METTL22: variants seen among roughly 807,000 people sequenced by gnomAD.
METTL22 encodes the protein methyltransferase-like protein 22.
Under a neutral mutation model 48.4 loss-of-function variants are expected in METTL22, and 51 were observed. The ratio of observed to expected loss-of-function variants is 1.05; its 90% CI spans 0.84 to 1.33. The LOEUF is 1.33. Ranked by LOEUF, METTL22 falls within the 40% of genes most tolerant of loss-of-function variation. The probability of loss-of-function intolerance (pLI) is 0.00; values close to 1 mark genes in which losing one functional copy is unlikely to be tolerated. For synonymous variants in METTL22, 255 were observed against 214.1 expected (o/e 1.19, Z -1.67); for missense variants, 678 against 526.9 (o/e 1.29, Z -2.81).
At chr16:8,659,795 C>G in the METTL22 span, among the ~76,000 whole-genome samples, 1 of 151,884 alleles carries the variant, frequency 6.6e-6, no homozygotes, top group African/African-American at 2.4e-5. Flanking sequence ...GCAGTCTTGG[C>G]TCACTGCAGC....
downstream of METTL22, among the ~76,000 whole-genome samples, chr16:8,650,213 A>G (rs1406250489): frequency 6.6e-6 from 1 of 152,158 alleles, no homozygotes; most frequent in African/African-American, 2.4e-5. Flanking sequence ...ACTCCCAGCT[A>G]CTCAGGAGGC....
rs1462531291 is a variant in METTL22 at position 8,625,651 on chromosome 16, G to A, written c.-15G>A. 1 of 1,613,986 alleles carries A rather than the reference G, an allele frequency of 6.2e-7. No individual in the cohort carries two copies. The highest frequency in any genetic ancestry group is 8.5e-7 in the Non-Finnish European group (1 of 1,179,992). On this transcript the variant is annotated 5_prime_UTR_variant, in exon 2 of 11. Transcript: ENST00000381920. ...TGAGGGACTCCTGTCCTAGGACTAAGGTGGAGCCTGGGCCATGGTACAGCT... is the reference window on the plus strand; with the variant it reads ...TGAGGGACTCCTGTCCTAGGACTAAAGTGGAGCCTGGGCCATGGTACAGCT...
At chr16:8,632,648 C>G (rs1384017267) in intron 3 of METTL22, among the ~76,000 whole-genome samples, 1 of 152,176 alleles carries the variant, frequency 6.6e-6, no homozygotes, top group South Asian at 2.1e-4. Context: ...AGATGTCTGC[C>G]GAGCCTGTGC....
At chr16:8,657,354 G>T in the METTL22 span, among the ~76,000 whole-genome samples, 1 of 152,174 alleles carries the variant, frequency 6.6e-6, no homozygotes, top group African/African-American at 2.4e-5. Flanking sequence ...TAATTTGTGC[G>T]TAGTTAAATA....
At chr16:8,642,003 C>G in intron 7 of METTL22, 124 bp from the exon 8 acceptor site, 1 of 738,194 alleles carries the variant, frequency 1.4e-6, no homozygotes, top group Non-Finnish European at 2.4e-6. Context: ...CTGGTGGTGC[C>G]CACTGCACCG....
Position 8,646,553 on chromosome 16 carries a change from C to A in METTL22, c.*410C>A. ...GGTTGACTACCACTGCCAGTATTGC[C>A]ATCATATTGCCGCTCGGCACAAAAG... On this transcript the variant is annotated 3_prime_UTR_variant, in exon 11 of 11. Coordinates refer to ENST00000381920, the MANE Select transcript of METTL22 (RefSeq NM_024109.4). 2.1e-6 allele frequency: 1 copy of A among 484,846 alleles called. No homozygotes were observed. The allele number at this position is 484,846 out of a possible 1,614,324, so 30.0% of individuals were successfully genotyped here. A position where few individuals can be genotyped will look rare whatever the true frequency, so the allele number is the denominator to read the frequency against.
intron 8 of METTL22, 68 bp downstream of exon 8, chr16:8,642,275 C>T: frequency 1.4e-6 from 2 of 1,434,616 alleles, no homozygotes; most frequent in Non-Finnish European, 9.8e-7. Flanking sequence ...AGTCTCTCCT[C>T]ACTTCCCCCG....
Position 8,629,174 on chromosome 16 carries a change from G to GCT in METTL22, c.514+66_514+67dup, listed in dbSNP as rs1370604275. 2.6e-6 allele frequency: 4 copies of GCT among 1,559,288 alleles called. No individual in the cohort carries two copies. The African/African-American group carries it at 4.0e-5, about 16-fold the overall frequency. The stretch of plus-strand genomic sequence containing the variant: ...CAACTCCGCAGTGTCACTGCTCAGG[G>GCT]CTCAGTATGATCTGAGCGTGGACTC... On this transcript the variant is annotated intron_variant, in intron 3 of 10. Coordinates refer to ENST00000381920, the MANE Select transcript of METTL22 (RefSeq NM_024109.4).
chr16:8,654,950 C>T, the METTL22 span, among the ~76,000 whole-genome samples: 1 of 152,228 alleles, frequency 6.6e-6, no homozygotes, highest in South Asian at 2.1e-4. Context: ...ATGGACATAG[C>T]AGCAAACTGA....
chr16:8,637,262 T>C (rs1280977036), intron 5 of METTL22, among the ~76,000 whole-genome samples: 1 of 152,200 alleles, frequency 6.6e-6, no homozygotes, highest in Non-Finnish European at 1.5e-5. Flanking sequence ...TCAAATATGC[T>C]GTTAACCACT....
chr16:8,640,946 G>GGATGGGTGGA (rs1332913099), intron 6 of METTL22, among the ~76,000 whole-genome samples, 185 bp from the exon 7 acceptor site: 1 of 35,218 alleles, frequency 2.8e-5, no homozygotes, highest in East Asian at 1.4e-3. Context: ...GGATGGATGG[G>GGATGGGTGGA]TGGGTGGATG....
intron 9 of METTL22, 31 bp from the exon 10 acceptor site, chr16:8,644,526 C>T (rs1219132148): frequency 1.3e-6 from 2 of 1,519,544 alleles, no homozygotes; most frequent in Admixed American, 2.1e-5. Flanking sequence ...TTGATGATGG[C>T]AGTTTGTGCG....
the METTL22 span, among the ~76,000 whole-genome samples, chr16:8,660,877 A>AGAG: frequency 0.26 from 2,787 of 10,714 alleles, 305 homozygotes; most frequent in South Asian, 0.42. Flanking sequence ...AGGAGGAGGA[A>AGAG]GAGGAGGAGG....
chr16:8,653,042 A>G (rs1272208163), downstream of METTL22, among the ~76,000 whole-genome samples: 2 of 152,162 alleles, frequency 1.3e-5, no homozygotes, highest in Non-Finnish European at 2.9e-5. Context: ...CTGCTGCTCA[A>G]CCAATGCATG....
At chr16:8,663,772 T>C in the METTL22 span, among the ~76,000 whole-genome samples, 1 of 152,238 alleles carries the variant, frequency 6.6e-6, no homozygotes, top group Admixed American at 6.5e-5. Context: ...TCTTGGATCA[T>C]CTTAGACCTT....
At chr16:8,629,948 A>G (rs2056198266) in intron 3 of METTL22, among the ~76,000 whole-genome samples, 2 of 152,254 alleles carry the variant, frequency 1.3e-5, no homozygotes, top group South Asian at 2.1e-4. Flanking sequence ...GCCTAGCGCC[A>G]TGCTGCTTGG....
chr16:8,632,113 A>C (rs1052287708), intron 3 of METTL22: 11 of 152,204 alleles, frequency 7.2e-5, no homozygotes, highest in African/African-American at 2.7e-4. Flanking sequence ...AGGATGTCAG[A>C]CACAAGAAAG....
At chr16:8,649,896 A>C (rs1301629877), downstream of METTL22, among the ~76,000 whole-genome samples, 2 of 152,206 alleles carry the variant, frequency 1.3e-5, no homozygotes, top group Non-Finnish European at 2.9e-5. Context: ...GGATCTTGTC[A>C]AAATACAGAT....
Position 8,647,888 on chromosome 16 carries a change from C to G in METTL22, c.*1745C>G, listed in dbSNP as rs957148680. ...ATTCAGAGAGGTTCAGCAACTTGCC[C>G]AACATCACACAGCAACCAAGGGCAG... On this transcript the variant is annotated 3_prime_UTR_variant, in exon 11 of 11. Coordinates refer to ENST00000381920, the MANE Select transcript of METTL22 (RefSeq NM_024109.4). 1 of 152,246 alleles carries G rather than the reference C, an allele frequency of 6.6e-6. No homozygotes were observed. Among genetic ancestry groups the G allele is most frequent in the Non-Finnish European group, 1.5e-5 (1 of 68,068 alleles). The allele number at this position is 152,246 out of a possible 1,614,324, so 9.4% of individuals were successfully genotyped here. A position where few individuals can be genotyped will look rare whatever the true frequency, so the allele number is the denominator to read the frequency against.
Sources: allele counts gnomAD v4.1 joint callset (sites outside exome capture counted in the v4.1 genomes callset), GRCh38; gene constraint gnomAD v4.1.1; transcripts MANE v1.5; gene names NCBI Gene and HGNC (gene_info 2026-07-23, HGNC 2026-07-21).